KIAA0753: variants seen among roughly 807,000 people sequenced by gnomAD.
KIAA0753 encodes the protein KIAA0753.
KIAA0753 carries 114 observed loss-of-function variants against 116.9 expected under a neutral mutation model. The ratio of observed to expected loss-of-function variants is 0.98; its 90% CI spans 0.84 to 1.14. The LOEUF is 1.14. Ranked by LOEUF, KIAA0753 falls within the 50% of genes most tolerant of loss-of-function variation. KIAA0753 has a pLI of 0.00. For synonymous variants in KIAA0753, 405 were observed against 413.1 expected (o/e 0.98, Z 0.24); for missense variants, 1,156 against 1,172.4 (o/e 0.99, Z 0.20).
At chr17:6,596,136 G>A (rs1969461963) in intron 15 of KIAA0753, 22 bp downstream of exon 15, 1 of 1,607,748 alleles carries the variant, frequency 6.2e-7, no homozygotes, top group Non-Finnish European at 8.5e-7. Context: ...CAGCGAACCA[G>A]ACCCGGAGCC....
intron 9 of KIAA0753, 148 bp downstream of exon 9, chr17:6,609,846 T>C (rs966654287): frequency 2.1e-5 from 18 of 859,906 alleles, no homozygotes; most frequent in Non-Finnish European, 3.1e-5. Context: ...AGACTTCTCA[T>C]GTATGACTCA....
chr17:6,627,231 C>T (rs777238512), intron 3 of KIAA0753, among the ~76,000 whole-genome samples: 4 of 152,154 alleles, frequency 2.6e-5, no homozygotes, highest in Non-Finnish European at 5.9e-5. Flanking sequence ...TGACTCATCC[C>T]TAGTAAATGT....
Position 6,607,289 on chromosome 17 carries a change from A to G in KIAA0753, c.1830-19T>C. On this transcript the variant is annotated intron_variant, in intron 10 of 18. Transcript: ENST00000361413. ...AGCGAGCCTAGCAGACAGTCAAAAGAGTCAAACCAATTCTGCCTCGACACT... is the reference window on the plus strand; with the variant it reads ...AGCGAGCCTAGCAGACAGTCAAAAGGGTCAAACCAATTCTGCCTCGACACT... 3 of 1,608,188 alleles carry G rather than the reference A, an allele frequency of 1.9e-6. No individual in the cohort carries two copies. The highest frequency in any genetic ancestry group is 2.6e-6 in the Non-Finnish European group (3 of 1,174,866).
At chr17:6,612,460 G>C (rs1367205272) in intron 7 of KIAA0753, among the ~76,000 whole-genome samples, 1 of 152,168 alleles carries the variant, frequency 6.6e-6, no homozygotes, top group Admixed American at 6.5e-5. Flanking sequence ...TATTACCCAA[G>C]GTCAGGCTTG....
chr17:6,605,602 A>G lies in KIAA0753; in HGVS notation c.2009+1271T>C, dbSNP rs557255222. 3.5e-4 allele frequency among the ~76,000 whole-genome samples: 53 copies of G among 152,302 alleles called. No individual in the cohort carries two copies. In the South Asian group the frequency reaches 4.1e-3, roughly 12 times the overall value. On this transcript the variant is annotated intron_variant, in intron 12 of 18. Transcript: ENST00000361413. ...TCAGCTAGATTTGTGCCTGTTTCTC[A>G]GTTTTCAAAATTAAACAAGATATTG...
At chr17:6,631,222 C>T (rs775650277) in intron 2 of KIAA0753, among the ~76,000 whole-genome samples, 4 of 152,076 alleles carry the variant, frequency 2.6e-5, no homozygotes, top group South Asian at 2.1e-4. Context: ...AACATAACCA[C>T]GCTAAAAAGT....
At chr17:6,586,300 T>C (rs1054614988) in intron 18 of KIAA0753, among the ~76,000 whole-genome samples, 1 of 152,310 alleles carries the variant, frequency 6.6e-6, no homozygotes, top group South Asian at 2.1e-4. Flanking sequence ...CGTTATAAAT[T>C]ACCCAGTCTC....
Position 6,590,533 on chromosome 17 carries a change from C to T in KIAA0753, c.2538G>A (p.Met846Ile). Residue 846 changes from methionine (M) to isoleucine (I), a missense_variant, in exon 17 of 19, where the codon ATG (methionine) becomes ATA (isoleucine). Transcript: ENST00000361413. ...ACTTGCCATTACAGGGCCTTTCTAACATGATGTTCACGGCTGGATCCTTGC... is the reference window on the plus strand; with the variant it reads ...ACTTGCCATTACAGGGCCTTTCTAATATGATGTTCACGGCTGGATCCTTGC... ...VDRKDPAVNI[M>I]LERPCNGNSL... 1.2e-6 allele frequency: 2 copies of T among 1,614,088 alleles called. No individual in the cohort carries two copies. The highest frequency in any genetic ancestry group is 1.7e-6 in the Non-Finnish European group (2 of 1,179,960).
chr17:6,623,724 C>A, intron 4 of KIAA0753, 153 bp from the exon 5 acceptor site: 1 of 1,098,972 alleles, frequency 9.1e-7, no homozygotes, highest in South Asian at 1.9e-5. Flanking sequence ...ATTCATGCAC[C>A]CAAAAAACAG....
intron 7 of KIAA0753, among the ~76,000 whole-genome samples, chr17:6,617,845 G>A (rs1407536173): frequency 6.6e-6 from 1 of 152,236 alleles, no homozygotes; most frequent in Non-Finnish European, 1.5e-5. Flanking sequence ...GCTCACGCCT[G>A]TAATCCCAAC....
chr17:6,610,305 T>C, intron 8 of KIAA0753, 145 bp from the exon 9 acceptor site: 1 of 723,780 alleles, frequency 1.4e-6, no homozygotes, highest in Non-Finnish European at 2.1e-6. Context: ...GTGGCAGAAA[T>C]TTGGGGGAGG....
At chr17:6,612,221 C>T (rs2150841060) in intron 7 of KIAA0753, 73 bp from the exon 8 acceptor site, 1 of 1,124,258 alleles carries the variant, frequency 8.9e-7, no homozygotes, top group Non-Finnish European at 1.3e-6. Context: ...TGATTATCTA[C>T]ACACAGATAG....
At position 6,589,768 on chromosome 17, in the gene KIAA0753, A is replaced by C. The variant is rs748737239; in HGVS notation, c.2786+11T>G. 6.9e-6 allele frequency: 11 copies of C among 1,587,840 alleles called. No individual in the cohort carries two copies. In the African/African-American group the frequency reaches 1.5e-4, roughly 22 times the overall value. Reference sequence around the variant, plus strand: ...TGGTTCCTAAACAGAGGACCGTAACATTTTACTGACCTTTCAGCTATCAGC... The same window carrying C: ...TGGTTCCTAAACAGAGGACCGTAACCTTTTACTGACCTTTCAGCTATCAGC... On this transcript the variant is annotated intron_variant, in intron 18 of 18. Coordinates refer to ENST00000361413, the MANE Select transcript of KIAA0753 (RefSeq NM_014804.3).
intron 16 of KIAA0753, 59 bp from the exon 17 acceptor site, chr17:6,590,689 A>G (rs1028357212): frequency 1.3e-6 from 2 of 1,598,100 alleles, no homozygotes; most frequent in Non-Finnish European, 1.7e-6. Flanking sequence ...TCCATTTTAG[A>G]GCTGTTCTAG....
chr17:6,622,447 A>G (rs1326127316), intron 6 of KIAA0753, among the ~76,000 whole-genome samples: 1 of 152,254 alleles, frequency 6.6e-6, no homozygotes, highest in Non-Finnish European at 1.5e-5. Flanking sequence ...GTCTCTAGCT[A>G]TATCACAAGA....
At chr17:6,581,968 C>T (rs564795097) in intron 18 of KIAA0753, among the ~76,000 whole-genome samples, 22 of 152,254 alleles carry the variant, frequency 1.4e-4, no homozygotes, top group African/African-American at 4.8e-4. Flanking sequence ...TCATGGAGAA[C>T]GGTATTTAGA....
intron 14 of KIAA0753, among the ~76,000 whole-genome samples, chr17:6,596,636 GAACA>G (rs1346025468): frequency 1.3e-5 from 2 of 152,168 alleles, no homozygotes; most frequent in African/African-American, 4.8e-5. Context: ...CCAGTTGGTA[GAACA>G]AATATCTTCC....
intron 18 of KIAA0753, 151 bp downstream of exon 18, chr17:6,589,628 G>A (rs1409015555): frequency 7.1e-6 from 4 of 566,662 alleles, no homozygotes; most frequent in Non-Finnish European, 9.0e-6. Flanking sequence ...TGAAAATAGA[G>A]AGCCTGTCTC....
At chr17:6,609,728 GC>G (rs769893620) in intron 9 of KIAA0753, among the ~76,000 whole-genome samples, 1 of 152,170 alleles carries the variant, frequency 6.6e-6, no homozygotes, top group Non-Finnish European at 1.5e-5. Flanking sequence ...GTGAAGGGAA[GC>G]CCCCCATCTT....
Sources: allele counts gnomAD v4.1 joint callset (sites outside exome capture counted in the v4.1 genomes callset), GRCh38; gene constraint gnomAD v4.1.1; transcripts MANE v1.5; gene names NCBI Gene and HGNC (gene_info 2026-07-23, HGNC 2026-07-21).